The following ARHGAP26 variants were observed in gnomAD, a reference collection of about 807,000 sequenced individuals.
ARHGAP26 encodes the protein rho GTPase-activating protein 26.
Under a neutral mutation model 104.8 loss-of-function variants are expected in ARHGAP26, and 38 were observed. The observed-to-expected ratio is 0.36, with a 90% confidence interval of 0.28 to 0.48. The LOEUF (loss-of-function observed/expected upper bound fraction) is 0.48. Among genes scored for constraint, ARHGAP26 ranks in the 20% least tolerant of loss-of-function variants. ARHGAP26 has a pLI of 0.99. For missense variants in ARHGAP26, 704 were observed against 947.9 expected (o/e 0.74, Z 3.38); for synonymous variants, 341 against 340.0 (o/e 1.00, Z -0.03).
At chr5:142,771,480 G>A (rs1282218945) in intron 1 of ARHGAP26, 2 of 1,131,974 alleles carry the variant, frequency 1.8e-6, no homozygotes, top group Non-Finnish European at 2.2e-6. Context: ...TGGAGTATTG[G>A]CAGCCAGTAA....
At chr5:142,997,576 ATTTT>A (rs34395064) in intron 11 of ARHGAP26, among the ~76,000 whole-genome samples, 5 of 120,650 alleles carry the variant, frequency 4.1e-5, no homozygotes, top group African/African-American at 3.1e-5. Flanking sequence ...TGCCTGGCTG[ATTTT>A]TTTTTTTTTT....
intron 20 of ARHGAP26, among the ~76,000 whole-genome samples, chr5:143,152,121 G>A (rs529189105): frequency 6.6e-4 from 100 of 152,152 alleles, no homozygotes; most frequent in African/African-American, 2.0e-3. Flanking sequence ...TTTTTTTCGC[G>A]GTGAGACTAT....
chr5:143,048,556 T>C (rs1204831652), intron 14 of ARHGAP26, among the ~76,000 whole-genome samples: 1 of 151,568 alleles, frequency 6.6e-6, no homozygotes, highest in Non-Finnish European at 1.5e-5. Flanking sequence ...CCACCATGAC[T>C]GGCCTATTTT....
At chr5:142,995,787 A>T (rs1776290839) in intron 11 of ARHGAP26, among the ~76,000 whole-genome samples, 1 of 152,228 alleles carries the variant, frequency 6.6e-6, no homozygotes, top group Non-Finnish European at 1.5e-5. Context: ...GATAGACTGG[A>T]TGAAGAAAAT....
At chr5:143,222,274 CACACACACA>C (rs1562641660) in intron 22 of ARHGAP26, 75 bp from the exon 23 acceptor site, 9 of 799,940 alleles carry the variant, frequency 1.1e-5, no homozygotes, top group African/African-American at 1.1e-4. Flanking sequence ...CACACACACA[CACACACACA>C]CCCCACACAC....
chr5:142,915,737 A>G (rs1762387869), intron 10 of ARHGAP26: 1 of 152,132 alleles, frequency 6.6e-6, no homozygotes, highest in Admixed American at 6.5e-5. Flanking sequence ...TATAGATCCC[A>G]AAGATTAGGT....
chr5:143,042,490 T>C (rs1021475579), intron 14 of ARHGAP26, among the ~76,000 whole-genome samples: 6 of 152,238 alleles, frequency 3.9e-5, no homozygotes, highest in Admixed American at 1.3e-4. Flanking sequence ...AGTATTTGAA[T>C]CAAAAGCCCA....
At chr5:142,898,732 T>A (rs1199379224) in intron 6 of ARHGAP26, among the ~76,000 whole-genome samples, 1 of 152,202 alleles carries the variant, frequency 6.6e-6, no homozygotes. Context: ...TAAAAACCAC[T>A]GTTATCCTCT....
At chr5:143,081,108 G>T (rs1598923147) in intron 17 of ARHGAP26, among the ~76,000 whole-genome samples, 1 of 152,112 alleles carries the variant, frequency 6.6e-6, no homozygotes, top group African/African-American at 2.4e-5. Flanking sequence ...GAGTGGGTGG[G>T]TGTTGGGGTA....
At chr5:143,029,271 A>G (rs1400984311) in intron 12 of ARHGAP26, among the ~76,000 whole-genome samples, 1 of 152,088 alleles carries the variant, frequency 6.6e-6, no homozygotes, top group Admixed American at 6.6e-5. Context: ...AGAGCAAATC[A>G]CATTGGAAAA....
chr5:142,927,395 A>C (rs1278612556), intron 10 of ARHGAP26, among the ~76,000 whole-genome samples: 1 of 151,906 alleles, frequency 6.6e-6, no homozygotes, highest in Admixed American at 6.6e-5. Context: ...AAGTATTTGA[A>C]CATCATAGAA....
At chr5:142,805,944 A>G (rs1002996239) in intron 1 of ARHGAP26, among the ~76,000 whole-genome samples, 3 of 152,188 alleles carry the variant, frequency 2.0e-5, no homozygotes, top group African/African-American at 7.2e-5. Context: ...TCAATTCCCT[A>G]ATGTGGAAAT....
At chr5:143,140,522 G>A (rs1280690696) in intron 19 of ARHGAP26, among the ~76,000 whole-genome samples, 1 of 152,200 alleles carries the variant, frequency 6.6e-6, no homozygotes, top group African/African-American at 2.4e-5. Context: ...ACCATAGTAA[G>A]CACCTAATAA....
At chr5:143,002,763 T>A (rs1346005458) in intron 11 of ARHGAP26, among the ~76,000 whole-genome samples, 1 of 152,252 alleles carries the variant, frequency 6.6e-6, no homozygotes, top group African/African-American at 2.4e-5. Flanking sequence ...AGTTTTTGTT[T>A]ATGTTGGCTG....
At chr5:143,086,468 A>G (rs907150021) in intron 17 of ARHGAP26, among the ~76,000 whole-genome samples, 1 of 152,196 alleles carries the variant, frequency 6.6e-6, no homozygotes, top group African/African-American at 2.4e-5. Flanking sequence ...TTGGGACTCC[A>G]TCTTTATTTT....
chr5:142,861,325 G>T (rs1753299944), intron 1 of ARHGAP26, among the ~76,000 whole-genome samples: 1 of 151,948 alleles, frequency 6.6e-6, no homozygotes, highest in African/African-American at 2.4e-5. Context: ...TATTAGGTGT[G>T]GCTTTGTTCA....
intron 22 of ARHGAP26, among the ~76,000 whole-genome samples, chr5:143,220,834 A>C (rs1278344049): frequency 2.6e-5 from 4 of 152,186 alleles, no homozygotes; most frequent in African/African-American, 9.7e-5. Context: ...TGGAAGCCTC[A>C]AGGCTGATTC....
chr5:143,091,049 G>A (rs1408280272), intron 17 of ARHGAP26, among the ~76,000 whole-genome samples: 1 of 152,220 alleles, frequency 6.6e-6, no homozygotes, highest in Non-Finnish European at 1.5e-5. Context: ...TAGATGGTCA[G>A]CAATAGAGCG....
intron 17 of ARHGAP26, among the ~76,000 whole-genome samples, chr5:143,080,899 G>A (rs967862530): frequency 2.0e-5 from 3 of 152,000 alleles, no homozygotes; most frequent in Middle Eastern, 3.2e-3. Flanking sequence ...AAAGACACTG[G>A]GGCCTGGACT....
Sources: gnomAD v4.1 joint callset for allele counts (sites outside exome capture counted in the v4.1 genomes callset) on GRCh38, gnomAD v4.1.1 for gene constraint, MANE v1.5 for transcripts, NCBI Gene and HGNC (gene_info 2026-07-23, HGNC 2026-07-21) for gene names.